The following FRS2 variants were observed in gnomAD, a reference collection of about 807,000 sequenced individuals.
FRS2 encodes FGFR signalling adaptor.
In FRS2, 8 loss-of-function variants were observed where a neutral mutation model predicts 43.9. The ratio of observed to expected loss-of-function variants is 0.18; its 90% CI spans 0.11 to 0.33. FRS2 has a LOEUF of 0.33. Among genes scored for constraint, FRS2 ranks in the 10% least tolerant of loss-of-function variants. The probability of loss-of-function intolerance (pLI) is 1.00; values close to 1 mark genes in which losing one functional copy is unlikely to be tolerated. For synonymous variants in FRS2, 219 were observed against 220.3 expected (o/e 0.99, Z 0.05); for missense variants, 534 against 627.6 (o/e 0.85, Z 1.59).
chr12:69,548,490 A>G (rs1027366539), intron 3 of FRS2, among the ~76,000 whole-genome samples: 2 of 152,144 alleles, frequency 1.3e-5, no homozygotes, highest in African/African-American at 4.8e-5. Context: ...TTTATTTTTG[A>G]TTCTTAGGAG....
chr12:69,553,621 A>T (rs566971640), intron 3 of FRS2, among the ~76,000 whole-genome samples: 5 of 152,164 alleles, frequency 3.3e-5, no homozygotes, highest in African/African-American at 1.2e-4. Context: ...TTTGGGAGGC[A>T]TCTGTTACAC....
chr12:69,541,066 G>GT (rs1250918127), intron 3 of FRS2, among the ~76,000 whole-genome samples: 1 of 152,060 alleles, frequency 6.6e-6, no homozygotes, highest in Admixed American at 6.5e-5. Flanking sequence ...AATGAAGTTT[G>GT]TTTTTTTAAA....
At chr12:69,553,491 T>C in intron 3 of FRS2, among the ~76,000 whole-genome samples, 1 of 152,242 alleles carries the variant, frequency 6.6e-6, no homozygotes, top group Admixed American at 6.5e-5. Flanking sequence ...AGGGACAATA[T>C]GATTGTACCT....
chr12:69,485,134 C>CACACACACACACACACACACACACAT lies in FRS2; in HGVS notation c.-261+14606_-261+14607insACACACACACACACACACACACATAC, dbSNP rs1194988609. On this transcript the variant is annotated intron_variant, in intron 1 of 8. Transcript: ENST00000549921. ...ACACACACACACACACACACACACA[C>CACACACACACACACACACACACACAT]ACTCTCACCCCCCTAAAACTCTTAA... 9.2e-3 allele frequency among the ~76,000 whole-genome samples: 1,229 copies of CACACACACACACACACACACACACAT among 134,296 alleles called. 51 individuals carry two copies. The highest frequency in any genetic ancestry group is 0.058 in the East Asian group (241 of 4,144). The allele number at this position is 134,296 out of a possible 152,430, so 88.1% of individuals were successfully genotyped here.
chr12:69,509,496 G>C (rs1874262155), intron 1 of FRS2, among the ~76,000 whole-genome samples: 1 of 152,042 alleles, frequency 6.6e-6, no homozygotes, highest in Admixed American at 6.5e-5. Context: ...CAGTTCCATG[G>C]TATTAAGTAC....
chr12:69,525,817 A>G (rs1053103553), intron 1 of FRS2, among the ~76,000 whole-genome samples: 9 of 149,830 alleles, frequency 6.0e-5, no homozygotes, highest in African/African-American at 2.2e-4. Flanking sequence ...GAAGACTAGC[A>G]TATGTATTTA....
intron 1 of FRS2, among the ~76,000 whole-genome samples, chr12:69,520,151 G>A (rs1875484379): frequency 6.6e-6 from 1 of 152,080 alleles, no homozygotes; most frequent in Non-Finnish European, 1.5e-5. Context: ...CATTTTTTTA[G>A]TGATTGGTGA....
intron 1 of FRS2, among the ~76,000 whole-genome samples, chr12:69,490,517 A>G (rs1872384873): frequency 6.6e-6 from 1 of 151,870 alleles, no homozygotes; most frequent in South Asian, 2.1e-4. Flanking sequence ...TTTGGATTCA[A>G]ATGATTTTGG....
chr12:69,547,321 C>T (rs1353628457), intron 3 of FRS2, among the ~76,000 whole-genome samples: 5 of 151,942 alleles, frequency 3.3e-5, no homozygotes, highest in Admixed American at 3.3e-4. Flanking sequence ...GTTAACTGCA[C>T]GTGGTGGGAT....
chr12:69,528,069 G>A (rs1197421766), intron 1 of FRS2, among the ~76,000 whole-genome samples: 2 of 152,156 alleles, frequency 1.3e-5, no homozygotes, highest in African/African-American at 2.4e-5. Flanking sequence ...TGCCAGAACT[G>A]TATCTTTGTT....
intron 1 of FRS2, among the ~76,000 whole-genome samples, chr12:69,505,431 CACTAAGGTGGTATTCTCAT>C (rs1254162672): frequency 6.6e-6 from 1 of 152,144 alleles, no homozygotes; most frequent in African/African-American, 2.4e-5. Context: ...GGTAAATAAG[CACTAAGGTGGTATTCTCAT>C]ACTAGGGAAA....
intron 1 of FRS2, among the ~76,000 whole-genome samples, chr12:69,488,650 A>G (rs1056463977): frequency 6.6e-6 from 1 of 152,126 alleles, no homozygotes; most frequent in Non-Finnish European, 1.5e-5. Flanking sequence ...TTTTCCTCCT[A>G]TTTGAAGCTG....
chr12:69,569,140 G>A, intron 5 of FRS2, 44 bp downstream of exon 5: 1 of 1,146,434 alleles, frequency 8.7e-7, no homozygotes, highest in Non-Finnish European at 1.3e-6. Context: ...GCCTAGTTGG[G>A]TGTTCTTCTT....
intron 1 of FRS2, among the ~76,000 whole-genome samples, chr12:69,498,920 C>T (rs1873178146): frequency 6.6e-6 from 1 of 152,178 alleles, no homozygotes; most frequent in South Asian, 2.1e-4. Context: ...CTTCATTACA[C>T]ACTTGATGTT....
chr12:69,553,186 C>A (rs1006942593), intron 3 of FRS2, among the ~76,000 whole-genome samples: 1 of 152,080 alleles, frequency 6.6e-6, no homozygotes, highest in Non-Finnish European at 1.5e-5. Context: ...ATTCTCCTGC[C>A]TCAGCCTCCC....
In FRS2 at chr12:69,568,987, A is replaced by G; in HGVS notation, c.-26-18A>G. On this transcript the variant is annotated intron_variant, in intron 4 of 8. Coordinates refer to ENST00000549921, the MANE Select transcript of FRS2 (RefSeq NM_001278356.2). ...TATCCTTCATCTAATAAATTTTTCC[A>G]AATTATTTTTCATGTAGTGCACACA... 1 of 1,355,038 alleles carries G rather than the reference A, an allele frequency of 7.4e-7. No homozygotes were observed. Among genetic ancestry groups the G allele is most frequent in the Non-Finnish European group, 1.0e-6 (1 of 972,316 alleles). The allele number at this position is 1,355,038 out of a possible 1,614,324, so 83.9% of individuals were successfully genotyped here.
intron 5 of FRS2, 89 bp downstream of exon 5, chr12:69,569,185 A>G: frequency 1.4e-6 from 1 of 721,982 alleles, no homozygotes; most frequent in Non-Finnish European, 2.4e-6. Context: ...TCTGGCTTTT[A>G]TCACCAAACC....
chr12:69,513,341 T>A (rs972701228), intron 1 of FRS2, among the ~76,000 whole-genome samples: 1 of 152,056 alleles, frequency 6.6e-6, no homozygotes, highest in African/African-American at 2.4e-5. Flanking sequence ...ATATATATAT[T>A]TTATTCATTA....
At chr12:69,546,327 G>A (rs903393976) in intron 3 of FRS2, among the ~76,000 whole-genome samples, 5 of 151,396 alleles carry the variant, frequency 3.3e-5, no homozygotes, top group Admixed American at 2.6e-4. Context: ...GTGTGATCTC[G>A]GCTCACTGCA....
Sources: gnomAD v4.1 joint callset for allele counts (sites outside exome capture counted in the v4.1 genomes callset) on GRCh38, gnomAD v4.1.1 for gene constraint, MANE v1.5 for transcripts, NCBI Gene and HGNC (gene_info 2026-07-23, HGNC 2026-07-21) for gene names.